ARHGAP10: variants seen among roughly 807,000 people sequenced by gnomAD.
The protein encoded by ARHGAP10 is rho GTPase-activating protein 10.
A neutral mutation model predicts 108.6 loss-of-function variants in ARHGAP10; 87 were observed. The observed-to-expected ratio is 0.80, with a 90% CI of 0.67 to 0.96. The LOEUF is 0.96. ARHGAP10 is among the 40% of genes least tolerant of loss of function. The pLI, the probability that ARHGAP10 is intolerant of heterozygous loss-of-function variation, is 0.00. For synonymous variants in ARHGAP10, 347 were observed against 341.1 expected (o/e 1.02, Z -0.19); for missense variants, 939 against 954.5 (o/e 0.98, Z 0.21).
chr4:147,862,487 C>G lies in ARHGAP10; in HGVS notation c.487-2359C>G, dbSNP rs538021363. ...TTGGGGCTCCTGCCTGTTTCTGGCC[C>G]CCGCGGGCACCATGGAGTGCGCAGC... On this transcript the variant is annotated intron_variant, in intron 5 of 22. Coordinates refer to ENST00000336498, the MANE Select transcript of ARHGAP10 (RefSeq NM_024605.4). 3.3e-5 allele frequency: 5 copies of G among 152,520 alleles called. No individual in the cohort carries two copies. In the East Asian group the frequency reaches 9.6e-4, roughly 29 times the overall value. The allele number at this position is 152,520 out of a possible 1,614,324, so 9.4% of individuals were successfully genotyped here.
At chr4:147,982,546 C>T (rs13434821) in intron 18 of ARHGAP10, among the ~76,000 whole-genome samples, 1,208 of 66,326 alleles carry the variant, frequency 0.018, 31 homozygotes, top group South Asian at 0.074. Flanking sequence ...CCAGCTAAAT[C>T]TTTTTTTTTT....
At chr4:147,791,568 A>T (rs561788613) in intron 1 of ARHGAP10, among the ~76,000 whole-genome samples, 3 of 151,504 alleles carry the variant, frequency 2.0e-5, no homozygotes, top group South Asian at 2.1e-4. Flanking sequence ...ATATATATAT[A>T]TTTTGTTTGT....
At chr4:148,070,360 G>A (rs1730113267) in intron 22 of ARHGAP10, among the ~76,000 whole-genome samples, 1 of 152,196 alleles carries the variant, frequency 6.6e-6, no homozygotes, top group African/African-American at 2.4e-5. Flanking sequence ...GCTCCAGGGA[G>A]GCGTTGAAGC....
chr4:148,067,055 A>G (rs1176539463), intron 22 of ARHGAP10, among the ~76,000 whole-genome samples: 1 of 152,028 alleles, frequency 6.6e-6, no homozygotes, highest in Non-Finnish European at 1.5e-5. Context: ...TCCCTCCCCT[A>G]AGGCTGGCTA....
chr4:147,895,620 A>G (rs1335873677), intron 10 of ARHGAP10, among the ~76,000 whole-genome samples: 1 of 151,930 alleles, frequency 6.6e-6, no homozygotes, highest in African/African-American at 2.4e-5. Flanking sequence ...AGGAGGTTCA[A>G]AGCTGCAGTG....
chr4:147,752,471 T>G (rs1030983446), intron 1 of ARHGAP10, among the ~76,000 whole-genome samples: 1 of 152,168 alleles, frequency 6.6e-6, no homozygotes, highest in African/African-American at 2.4e-5. Context: ...AAAGCAGACT[T>G]TAAAAAGTAA....
intron 3 of ARHGAP10, among the ~76,000 whole-genome samples, chr4:147,830,663 G>T (rs1732922290): frequency 6.6e-6 from 1 of 151,978 alleles, no homozygotes; most frequent in Non-Finnish European, 1.5e-5. Flanking sequence ...GGGACTATAG[G>T]CACTTGCTAC....
chr4:148,026,194 T>C (rs1741759240), intron 19 of ARHGAP10, among the ~76,000 whole-genome samples: 1 of 152,094 alleles, frequency 6.6e-6, no homozygotes, highest in Admixed American at 6.5e-5. Context: ...CTGAGTAGAG[T>C]ATGAAACTGT....
Position 147,966,687 on chromosome 4 carries a change from A to C in ARHGAP10, c.1564A>C (p.Asn522His), listed in dbSNP as rs1260391035. The change falls in exon 18 of 23, where the codon AAT (asparagine) becomes CAT (histidine). Residue 522 changes from asparagine (N) to histidine (H), a missense_variant. By Grantham distance (68) the Asn-to-His change is moderately conservative. Transcript: ENST00000336498. ...ILVKHLTNVS[N>H]HSKQNLMTVA... ...CCCCCTTACCAATTTCAGTGTTTCA[A>C]ATCACTCCAAGCAGAACCTGATGAC... 6.4e-7 allele frequency: 1 copy of C among 1,563,430 alleles called. No individual in the cohort carries two copies. The highest frequency in any genetic ancestry group is 8.7e-7 in the Non-Finnish European group (1 of 1,149,196).
intron 10 of ARHGAP10, among the ~76,000 whole-genome samples, chr4:147,899,377 T>A (rs1223274546): frequency 6.6e-6 from 1 of 152,018 alleles, no homozygotes; most frequent in Non-Finnish European, 1.5e-5. Flanking sequence ...TTGTCTTCTG[T>A]CCAGGGAGTG....
intron 1 of ARHGAP10, among the ~76,000 whole-genome samples, chr4:147,741,802 A>ACG (rs1374982685): frequency 2.0e-5 from 1 of 49,314 alleles, no homozygotes; most frequent in Non-Finnish European, 7.1e-5. Context: ...GCACACACAC[A>ACG]CACACACACA....
At chr4:147,838,495 A>G (rs942844493) in intron 3 of ARHGAP10, among the ~76,000 whole-genome samples, 5 of 150,498 alleles carry the variant, frequency 3.3e-5, no homozygotes, top group Non-Finnish European at 7.4e-5. Flanking sequence ...ACACACACAC[A>G]CACACCAAAG....
chr4:148,069,212 C>T lies in ARHGAP10; in HGVS notation c.2273-2781C>T, dbSNP rs7666035. On this transcript the variant is annotated intron_variant, in intron 22 of 22. Coordinates refer to ENST00000336498, the MANE Select transcript of ARHGAP10 (RefSeq NM_024605.4). ...AGCCTGCCAGCCTTATCTGCAACTG[C>T]GGAGCCACTTTTCCTGTGCTTGGGG... 6.2e-3 allele frequency among the ~76,000 whole-genome samples: 947 copies of T among 152,270 alleles called. 14 individuals carry two copies. Among genetic ancestry groups the T allele is most frequent in the African/African-American group, 0.021 (884 of 41,548 alleles).
At chr4:148,031,939 C>G (rs1728165991) in intron 19 of ARHGAP10, among the ~76,000 whole-genome samples, 2 of 152,072 alleles carry the variant, frequency 1.3e-5, no homozygotes, top group Admixed American at 6.5e-5. Context: ...CACCACTTAC[C>G]TAAATGAACA....
chr4:148,037,905 G>A (rs1728453007), intron 19 of ARHGAP10, among the ~76,000 whole-genome samples: 1 of 151,310 alleles, frequency 6.6e-6, no homozygotes, highest in Non-Finnish European at 1.5e-5. Flanking sequence ...AAATTCAATT[G>A]TTGGTTCCAT....
intron 18 of ARHGAP10, among the ~76,000 whole-genome samples, chr4:147,982,786 T>G (rs558506985): frequency 4.4e-4 from 67 of 152,136 alleles, no homozygotes; most frequent in Non-Finnish European, 7.8e-4. Context: ...TTTTCCAAGC[T>G]GCTTATTTTC....
At chr4:147,977,298 TG>T (rs916767780) in intron 18 of ARHGAP10, among the ~76,000 whole-genome samples, 60 of 152,230 alleles carry the variant, frequency 3.9e-4, no homozygotes, top group African/African-American at 1.4e-3. Flanking sequence ...TGGTGGCGTA[TG>T]TGTAGGTCGG....
chr4:147,847,093 T>G (rs2126817581), intron 3 of ARHGAP10, 58 bp from the exon 4 acceptor site: 32 of 1,430,842 alleles, frequency 2.2e-5, no homozygotes, highest in Non-Finnish European at 3.1e-5. Context: ...GAAATACTAA[T>G]TTTTTCCTTT....
intron 15 of ARHGAP10, among the ~76,000 whole-genome samples, chr4:147,955,063 T>C (rs1035333008): frequency 1.4e-4 from 22 of 152,090 alleles, no homozygotes; most frequent in African/African-American, 4.8e-4. Flanking sequence ...CTTTCCGTGA[T>C]TAGATATGAA....
Sources: gnomAD v4.1 joint callset for allele counts (sites outside exome capture counted in the v4.1 genomes callset) on GRCh38, gnomAD v4.1.1 for gene constraint, MANE v1.5 for transcripts, NCBI Gene and HGNC (gene_info 2026-07-23, HGNC 2026-07-21) for gene names.